Variants in PPP1R12A observed in about 807,000 individuals in gnomAD.
PPP1R12A encodes protein phosphatase 1 regulatory subunit 12A, also known as myosin binding subunit.
Under a neutral mutation model 139.6 loss-of-function variants are expected in PPP1R12A, and 19 were observed. That is an observed-to-expected ratio of 0.14 (90% CI 0.09 to 0.20). The LOEUF (loss-of-function observed/expected upper bound fraction) is 0.20. Ranked by LOEUF, PPP1R12A falls within the 10% of genes least tolerant of loss-of-function variation. PPP1R12A has a pLI of 1.00. For synonymous variants in PPP1R12A, 427 were observed against 420.6 expected (o/e 1.02, Z -0.19); for missense variants, 925 against 1,211.5 (o/e 0.76, Z 3.51).
intron 2 of PPP1R12A, among the ~76,000 whole-genome samples, chr12:79,852,301 C>T (rs1296493035): frequency 1.3e-5 from 2 of 151,884 alleles, no homozygotes; most frequent in African/African-American, 4.8e-5. Flanking sequence ...AGTGATCCTC[C>T]CACCTAAGCC....
chr12:79,858,510 G>A (rs1007398237), intron 2 of PPP1R12A, among the ~76,000 whole-genome samples: 3 of 152,128 alleles, frequency 2.0e-5, no homozygotes, highest in African/African-American at 7.2e-5. Context: ...TAGGGAAGCT[G>A]GTAATTCATT....
intron 1 of PPP1R12A, among the ~76,000 whole-genome samples, chr12:79,897,069 A>G (rs1039530389): frequency 6.6e-6 from 1 of 152,234 alleles, no homozygotes; most frequent in African/African-American, 2.4e-5. Flanking sequence ...TCTACCAAAA[A>G]GACATATGTA....
rs541524389 is a variant in PPP1R12A, at chr12:79,810,762, G to A, written c.1240-752C>T. ...GCATACAGAGTAGATAATATAGCAT[G>A]TGACTGAACAAACTACTGCACATGA... On this transcript the variant is annotated intron_variant, in intron 9 of 24. Transcript: ENST00000450142. Among the ~76,000 whole-genome samples the A allele has an allele frequency of 7.9e-5, 12 of 152,232 alleles. No homozygotes were observed. The South Asian group carries it at 2.5e-3, about 32-fold the overall frequency.
At chr12:79,934,203 C>G (rs1888485768) in intron 1 of PPP1R12A, among the ~76,000 whole-genome samples, 2 of 152,184 alleles carry the variant, frequency 1.3e-5, no homozygotes, top group Non-Finnish European at 1.5e-5. Context: ...TTATTATCAT[C>G]ATTTGTAATC....
At chr12:79,927,163 T>C (rs1887909630) in intron 1 of PPP1R12A, among the ~76,000 whole-genome samples, 1 of 152,090 alleles carries the variant, frequency 6.6e-6, no homozygotes, top group Non-Finnish European at 1.5e-5. Context: ...ACTCCAGCCA[T>C]GGTGACAGAG....
At chr12:79,817,356 G>C (rs1385176416) in intron 9 of PPP1R12A, 38 bp downstream of exon 9, 1 of 1,582,400 alleles carries the variant, frequency 6.3e-7, no homozygotes, top group Non-Finnish European at 8.6e-7. Flanking sequence ...TACATAAATA[G>C]AATACATGTA....
intron 2 of PPP1R12A, among the ~76,000 whole-genome samples, chr12:79,865,483 A>G (rs1198907612): frequency 6.6e-6 from 1 of 152,224 alleles, no homozygotes; most frequent in Non-Finnish European, 1.5e-5. Context: ...ATCAGGCAAG[A>G]GAAAGCAATA....
intron 24 of PPP1R12A, among the ~76,000 whole-genome samples, chr12:79,778,028 A>G (rs1228204259): frequency 6.6e-6 from 1 of 152,110 alleles, no homozygotes. Flanking sequence ...GAGGTAATCA[A>G]TTAACTATGC....
chr12:79,930,580 C>G (rs1888179538), intron 1 of PPP1R12A, among the ~76,000 whole-genome samples: 1 of 152,090 alleles, frequency 6.6e-6, no homozygotes, highest in Non-Finnish European at 1.5e-5. Context: ...CGAGACCAGT[C>G]TGATCAACAT....
intron 5 of PPP1R12A, among the ~76,000 whole-genome samples, chr12:79,826,266 ATTAGG>A (rs1027590926): frequency 1.3e-5 from 2 of 151,720 alleles, no homozygotes; most frequent in Admixed American, 1.3e-4. Flanking sequence ...AAAGAATTGC[ATTAGG>A]TAATATGTGT....
chr12:79,894,946 C>CA (rs1884998305), intron 1 of PPP1R12A, among the ~76,000 whole-genome samples: 1 of 152,088 alleles, frequency 6.6e-6, no homozygotes, highest in Non-Finnish European at 1.5e-5. Context: ...TACTAATCTG[C>CA]AACTCTTAAT....
chr12:79,924,155 G>GA (rs1306894027), intron 1 of PPP1R12A, among the ~76,000 whole-genome samples: 26 of 152,020 alleles, frequency 1.7e-4, no homozygotes, highest in African/African-American at 6.0e-4. Flanking sequence ...AAAAAATAAT[G>GA]GAAAACACTG....
intron 1 of PPP1R12A, among the ~76,000 whole-genome samples, chr12:79,918,798 T>C (rs571062889): frequency 2.0e-5 from 3 of 152,312 alleles, no homozygotes; most frequent in South Asian, 2.1e-4. Flanking sequence ...AAAGAAAAAT[T>C]GGTTGTCCAT....
At chr12:79,812,882 T>C (rs1320501722) in intron 9 of PPP1R12A, among the ~76,000 whole-genome samples, 3 of 152,172 alleles carry the variant, frequency 2.0e-5, no homozygotes, top group South Asian at 2.1e-4. Flanking sequence ...CCTCCATCCA[T>C]AAATTAGAGG....
intron 1 of PPP1R12A, among the ~76,000 whole-genome samples, chr12:79,896,130 T>C (rs1363539793): frequency 1.3e-5 from 2 of 152,110 alleles, no homozygotes; most frequent in African/African-American, 2.4e-5. Flanking sequence ...GAAGGGGTTG[T>C]GACTGGCCTT....
chr12:79,833,406 T>C (rs1378689367), intron 3 of PPP1R12A, among the ~76,000 whole-genome samples: 3 of 152,170 alleles, frequency 2.0e-5, no homozygotes, highest in Non-Finnish European at 4.4e-5. Context: ...TCTTATGGCT[T>C]TGACTACTTG....
In PPP1R12A at chr12:79,889,967, AACC is replaced by A. The variant is rs1884440758; in HGVS notation, c.238-17032_238-17030del. ...TAAAAGGGTTCTGCCCTCATGACCTAACCATCTCCCAAAGGTCCCATCTTCTAA... is the reference window on the plus strand; with the variant it reads ...TAAAAGGGTTCTGCCCTCATGACCTAATCTCCCAAAGGTCCCATCTTCTAA... On this transcript the variant is annotated intron_variant, in intron 1 of 24. Coordinates refer to ENST00000450142, the MANE Select transcript of PPP1R12A (RefSeq NM_002480.3). Among the ~76,000 whole-genome samples the A allele has an allele frequency of 2.6e-5, 4 of 152,258 alleles. No individual in the cohort carries two copies. The South Asian group carries it at 8.3e-4, about 32-fold the overall frequency.
intron 14 of PPP1R12A, among the ~76,000 whole-genome samples, chr12:79,802,262 G>T (rs1873277244): frequency 6.6e-6 from 1 of 152,128 alleles, no homozygotes; most frequent in South Asian, 2.1e-4. Flanking sequence ...TTTAAATAGA[G>T]AATCCTCCAC....
At position 79,821,700 on chromosome 12, in the gene PPP1R12A, T is replaced by C. The variant is rs140254640; in HGVS notation, c.867+416A>G. ...CCCAGGAGGTGGAGGCTGCAGTGAG[T>C]TGAGATCGCGCCACTGTACTCTAGC... On this transcript the variant is annotated intron_variant, in intron 6 of 24. Transcript: ENST00000450142. Among the ~76,000 whole-genome samples the C allele has an allele frequency of 5.2e-3, 784 of 151,650 alleles. 5 individuals are homozygous for C. The highest frequency in any genetic ancestry group is 0.018 in the African/African-American group (744 of 41,288).
Sources: allele counts gnomAD v4.1 joint callset (sites outside exome capture counted in the v4.1 genomes callset), GRCh38; gene constraint gnomAD v4.1.1; transcripts MANE v1.5; gene names NCBI Gene and HGNC (gene_info 2026-07-23, HGNC 2026-07-21).